The following YBX1 variants were observed in gnomAD, a reference collection of about 807,000 sequenced individuals.
The protein encoded by YBX1 is Y-box-binding protein 1.
YBX1 carries 3 observed loss-of-function variants against 41.4 expected under a neutral mutation model. That is an observed-to-expected ratio of 0.07 (90% CI 0.03 to 0.19). The LOEUF (loss-of-function observed/expected upper bound fraction) is 0.19. YBX1 is among the 10% of genes least tolerant of loss of function. The pLI is 1.00. For missense variants in YBX1, 274 were observed against 462.8 expected (o/e 0.59, Z 3.74); for synonymous variants, 133 against 165.8 (o/e 0.80, Z 1.52).
At chr1:42,701,680 A>G (rs986084801) in intron 7 of YBX1, among the ~76,000 whole-genome samples, 3 of 152,200 alleles carry the variant, frequency 2.0e-5, no homozygotes, top group Non-Finnish European at 4.4e-5. Context: ...ACATGATACA[A>G]TTACGTTCTT....
At position 42,696,531 on chromosome 1, in the gene YBX1, C is replaced by A; in HGVS notation, c.355-111C>A. 3 of 202,518 alleles carry A rather than the reference C, an allele frequency of 1.5e-5. No individual in the cohort carries two copies. The highest frequency in any genetic ancestry group is 2.9e-5 in the Non-Finnish European group (3 of 103,304). The allele number at this position is 202,518 out of a possible 1,614,324, so 12.5% of individuals were successfully genotyped here. ...GTTGCGCCCCCCCCCCCTTTTTTTT[C>A]CTTAACTTTGTTGTTTTTTGCTTTG... On this transcript the variant is annotated intron_variant, in intron 4 of 7. Transcript: ENST00000321358. This position sits in a 1 kb window ranked among gnomAD's most constrained non-coding sequence, Gnocchi z 5.7.
chr1:42,682,834 G>C, intron 1 of YBX1, 103 bp downstream of exon 1: 2 of 698,228 alleles, frequency 2.9e-6, no homozygotes, highest in Non-Finnish European at 3.8e-6. Flanking sequence ...GGTGGGCACC[G>C]ACTCCGCGGC....
intron 2 of YBX1, among the ~76,000 whole-genome samples, chr1:42,684,877 A>T (rs925405400): frequency 2.0e-5 from 3 of 152,146 alleles, no homozygotes; most frequent in African/African-American, 7.2e-5. Context: ...TAACCCTTAA[A>T]CCAGTGGTTT....
Position 42,682,724 on chromosome 1 carries a change from G to A in YBX1, c.159G>A (p.Lys53=), listed in dbSNP as rs1650067313. Residue 53 remains lysine (K), a synonymous_variant, in exon 1 of 8, where the codon AAG becomes AAA. Transcript: ENST00000321358. ...TSAAPAGGDK[K]VIATKVLGTV... ...CGGCGCCTGCCGGCGGGGACAAGAA[G>A]GTCATCGGTGAGGACCGGACAGGGA... 8.0e-7 allele frequency: 1 copy of A among 1,243,440 alleles called. No individual in the cohort carries two copies. The highest frequency in any genetic ancestry group is 1.0e-6 in the Non-Finnish European group (1 of 998,808). The allele number at this position is 1,243,440 out of a possible 1,614,324, so 77.0% of individuals were successfully genotyped here. A position where few individuals can be genotyped will look rare whatever the true frequency, so the allele number is the denominator to read the frequency against.
chr1:42,700,581 A>G, intron 6 of YBX1, among the ~76,000 whole-genome samples, 200 bp from the exon 7 acceptor site: 1 of 150,086 alleles, frequency 6.7e-6, no homozygotes, highest in Non-Finnish European at 1.5e-5. Context: ...TCTGGGCAAC[A>G]AAGCAAGACT....
chr1:42,688,723 A>G (rs1303998429), intron 2 of YBX1, among the ~76,000 whole-genome samples: 1 of 152,202 alleles, frequency 6.6e-6, no homozygotes, highest in East Asian at 1.9e-4. Context: ...TGATGCTGAG[A>G]AAAGTCATGG....
Position 42,698,713 on chromosome 1 carries a change from T to C in YBX1, c.740+1451T>C, listed in dbSNP as rs78507864. Among the ~76,000 whole-genome samples, 455 of 152,348 alleles carry C rather than the reference T, an allele frequency of 3.0e-3. 1 individual carries two copies. Among genetic ancestry groups the C allele is most frequent in the African/African-American group, 0.01 (429 of 41,578 alleles). Reference sequence around the variant, plus strand: ...CTTAGAAAGGTATCTTTGTCCATTGTTACCCCTCCAGTGCAGAGGTTTTTG... The same window carrying C: ...CTTAGAAAGGTATCTTTGTCCATTGCTACCCCTCCAGTGCAGAGGTTTTTG... On this transcript the variant is annotated intron_variant, in intron 6 of 7. Transcript: ENST00000321358.
intron 6 of YBX1, among the ~76,000 whole-genome samples, chr1:42,700,082 A>G (rs754024486): frequency 6.6e-6 from 1 of 152,384 alleles, no homozygotes; most frequent in East Asian, 1.9e-4. Flanking sequence ...TCACCACTGT[A>G]GGGTTGCAGA....
chr1:42,699,806 G>C (rs188674205), intron 6 of YBX1, among the ~76,000 whole-genome samples: 2 of 152,062 alleles, frequency 1.3e-5, no homozygotes, highest in African/African-American at 4.8e-5. Flanking sequence ...TTAAGAATGA[G>C]AAAACAATAA....
chr1:42,683,389 G>A lies in YBX1; in HGVS notation c.167-14G>A, dbSNP rs202202455. ...TGGTAATCGTGGCTTGTTTTGCTTTGTTTTCTTTTCCAGCAACGAAGGTTT... is the reference window on the plus strand; with the variant it reads ...TGGTAATCGTGGCTTGTTTTGCTTTATTTTCTTTTCCAGCAACGAAGGTTT... On this transcript the variant is annotated splice_polypyrimidine_tract_variant and intron_variant, in intron 1 of 7. Transcript: ENST00000321358. 2.0e-4 allele frequency: 330 copies of A among 1,614,096 alleles called. No homozygotes were observed. The highest frequency in any genetic ancestry group is 9.9e-4 in the Middle Eastern group (6 of 6,084).
chr1:42,692,911 T>G (rs897928920), intron 2 of YBX1, among the ~76,000 whole-genome samples: 2 of 152,226 alleles, frequency 1.3e-5, no homozygotes, highest in African/African-American at 4.8e-5. Flanking sequence ...GGTCTAAACC[T>G]TCATCAGTCC....
chr1:42,700,260 A>G (rs1650561021), intron 6 of YBX1, among the ~76,000 whole-genome samples: 1 of 152,168 alleles, frequency 6.6e-6, no homozygotes, highest in Admixed American at 6.6e-5. Flanking sequence ...AGGAAAGGCC[A>G]GGAATCCATC....
At chr1:42,699,776 G>A (rs1386311259) in intron 6 of YBX1, among the ~76,000 whole-genome samples, 1 of 152,038 alleles carries the variant, frequency 6.6e-6, no homozygotes, top group African/African-American at 2.4e-5. Flanking sequence ...TGATAGAATC[G>A]CTGTATTACA....
At chr1:42,693,927 GGGTAAATAAGACA>G (rs1347292558) in intron 3 of YBX1, among the ~76,000 whole-genome samples, 1 of 152,136 alleles carries the variant, frequency 6.6e-6, no homozygotes, top group Non-Finnish European at 1.5e-5. Flanking sequence ...CCATAATCAA[GGGTAAATAAGACA>G]GACCTGCAAA....
rs777973084 is a variant in YBX1, at chr1:42,683,382, T to G, written c.167-21T>G. 17 of 1,614,042 alleles carry G rather than the reference T, an allele frequency of 1.1e-5. No individual in the cohort carries two copies. In the Admixed American group the frequency reaches 1.2e-4, roughly 11 times the overall value. ...GGATAGCTGGTAATCGTGGCTTGTTTTGCTTTGTTTTCTTTTCCAGCAACG... is the reference window on the plus strand; with the variant it reads ...GGATAGCTGGTAATCGTGGCTTGTTGTGCTTTGTTTTCTTTTCCAGCAACG... On this transcript the variant is annotated intron_variant, in intron 1 of 7. Transcript: ENST00000321358.
At position 42,696,911 on chromosome 1, in the gene YBX1, T is replaced by C. The variant is rs1650475478; in HGVS notation, c.624T>C (p.Tyr208=). Residue 208 remains tyrosine (Y), a synonymous_variant, in exon 5 of 8, where the codon TAT becomes TAC. Transcript: ENST00000321358. The surrounding 1 kb of genome is among the most constrained non-coding windows in gnomAD (Gnocchi z 5.7). ...GACCCTATGGGCGTCGACCACAGTA[T>C]TCCAACCCTCCTGTGCAGGGAGAAG... ...MRRPYGRRPQ[Y]SNPPVQGEVM... is the part of the protein sequence containing the mutation. The C allele has an allele frequency of 6.4e-7, 1 of 1,565,676 alleles. No individual in the cohort carries two copies. Among genetic ancestry groups the C allele is most frequent in the Admixed American group, 1.9e-5 (1 of 53,262 alleles).
chr1:42,696,522 C>G lies in YBX1; in HGVS notation c.355-120C>G. On this transcript the variant is annotated intron_variant, in intron 4 of 7. Coordinates refer to ENST00000321358, the MANE Select transcript of YBX1 (RefSeq NM_004559.5). This position sits in a 1 kb window ranked among gnomAD's most constrained non-coding sequence, Gnocchi z 5.7. ...GGTCACGCAGTTGCGCCCCCCCCCC[C>G]TTTTTTTTCCTTAACTTTGTTGTTT... The G allele has an allele frequency of 6.3e-6, 4 of 637,544 alleles. No individual in the cohort carries two copies. The highest frequency in any genetic ancestry group is 9.5e-6 in the Non-Finnish European group (4 of 420,664). The allele number at this position is 637,544 out of a possible 1,614,324, so 39.5% of individuals were successfully genotyped here.
At chr1:42,700,608 A>ACC (rs1176640688) in intron 6 of YBX1, among the ~76,000 whole-genome samples, 173 bp from the exon 7 acceptor site, 19 of 57,710 alleles carry the variant, frequency 3.3e-4, no homozygotes, top group Non-Finnish European at 3.3e-4. Flanking sequence ...CCTACTCAGC[A>ACC]TCCCCCCCCC....
chr1:42,696,903 C>T lies in YBX1; in HGVS notation c.616C>T (p.Pro206Ser). The T allele has an allele frequency of 6.4e-7, 1 of 1,569,652 alleles. No individual in the cohort carries two copies. The highest frequency in any genetic ancestry group is 8.6e-7 in the Non-Finnish European group (1 of 1,156,982). Residue 206 changes from proline (P) to serine (S), a missense_variant, in exon 5 of 8, where the codon CCA (proline) becomes TCA (serine). This residue lies in a region of YBX1 where 187 missense variants were observed against 306.3 expected (regional missense o/e 0.61). Coordinates refer to ENST00000321358, the MANE Select transcript of YBX1 (RefSeq NM_004559.5). This position sits in a 1 kb window ranked among gnomAD's most constrained non-coding sequence, Gnocchi z 5.7. ...CATGCGGAGACCCTATGGGCGTCGACCACAGTATTCCAACCCTCCTGTGCA... is the reference window on the plus strand; with the variant it reads ...CATGCGGAGACCCTATGGGCGTCGATCACAGTATTCCAACCCTCCTGTGCA... The part of the protein sequence containing the change: ...YYMRRPYGRR[P>S]QYSNPPVQGE...
Sources: allele counts gnomAD v4.1 joint callset (sites outside exome capture counted in the v4.1 genomes callset), GRCh38; gene constraint gnomAD v4.1.1; regional missense constraint gnomAD v4.1.1; non-coding constraint Gnocchi (gnomAD v3.1); transcripts MANE v1.5; gene names NCBI Gene and HGNC (gene_info 2026-07-23, HGNC 2026-07-21).